MAPK10: variants seen among roughly 807,000 people sequenced by gnomAD.
MAPK10 encodes JNK3 alpha protein kinase.
In MAPK10, 25 loss-of-function variants were observed where a neutral mutation model predicts 59.3. That is an observed-to-expected ratio of 0.42 (90% CI 0.31 to 0.59). MAPK10 has a LOEUF of 0.59. Among genes scored for constraint, MAPK10 ranks in the 20% least tolerant of loss-of-function variants. MAPK10 has a pLI of 0.15. For missense variants in MAPK10, 351 were observed against 568.9 expected (o/e 0.62, Z 3.90); for synonymous variants, 190 against 200.5 (o/e 0.95, Z 0.44).
chr4:86,070,617 C>T (rs949949764), intron 9 of MAPK10, among the ~76,000 whole-genome samples: 5 of 147,992 alleles, frequency 3.4e-5, no homozygotes, highest in African/African-American at 1.3e-4. Flanking sequence ...GTTCAATTCC[C>T]ACCTATGAGT....
chr4:86,390,874 A>G (rs979496779), intron 1 of MAPK10, among the ~76,000 whole-genome samples: 1 of 152,168 alleles, frequency 6.6e-6, no homozygotes, highest in Admixed American at 6.5e-5. Context: ...GAAGCTATCA[A>G]TCTTCTGTCC....
chr4:86,137,866 C>A (rs1390014884), intron 4 of MAPK10, among the ~76,000 whole-genome samples: 1 of 149,930 alleles, frequency 6.7e-6, no homozygotes, highest in Admixed American at 6.6e-5. Flanking sequence ...ACCACCGATC[C>A]CACAGAAATA....
intron 9 of MAPK10, among the ~76,000 whole-genome samples, chr4:86,076,520 G>T (rs555770487): frequency 6.6e-6 from 1 of 152,080 alleles, no homozygotes; most frequent in Admixed American, 6.5e-5. Context: ...ATTCCAGTAA[G>T]AAAAAGTAAA....
chr4:86,206,454 AT>A (rs547272965), intron 2 of MAPK10, among the ~76,000 whole-genome samples: 395 of 152,074 alleles, frequency 2.6e-3, no homozygotes, highest in Non-Finnish European at 4.2e-3. Context: ...ATTGTTGGAC[AT>A]TTGGGTTGGT....
chr4:86,070,757 T>C (rs1307190741), intron 9 of MAPK10, among the ~76,000 whole-genome samples: 5 of 150,982 alleles, frequency 3.3e-5, no homozygotes, highest in South Asian at 2.1e-4. Context: ...TTCCATGGTG[T>C]ATATGTGCCA....
chr4:86,512,051 T>G (rs141892412), intron 1 of MAPK10, among the ~76,000 whole-genome samples: 1 of 152,170 alleles, frequency 6.6e-6, no homozygotes, highest in Non-Finnish European at 1.5e-5. Context: ...TACATGACAT[T>G]AAGTAACTGC....
chr4:86,136,007 C>G (rs2061991535), intron 4 of MAPK10, among the ~76,000 whole-genome samples: 1 of 152,232 alleles, frequency 6.6e-6, no homozygotes, highest in South Asian at 2.1e-4. Context: ...AAGAAATGAA[C>G]AAAGCTTCCA....
chr4:86,032,972 C>T (rs1281566341), intron 11 of MAPK10, among the ~76,000 whole-genome samples: 2 of 152,046 alleles, frequency 1.3e-5, no homozygotes, highest in African/African-American at 4.8e-5. Flanking sequence ...GACAACTAAG[C>T]AAAATGAGAC....
intron 1 of MAPK10, among the ~76,000 whole-genome samples, chr4:86,533,935 T>A (rs1357500920): frequency 6.6e-6 from 1 of 152,226 alleles, no homozygotes; most frequent in African/African-American, 2.4e-5. Context: ...CCCATTTTCC[T>A]GTTTATCTCA....
chr4:86,202,970 C>T, intron 2 of MAPK10, among the ~76,000 whole-genome samples: 1 of 151,916 alleles, frequency 6.6e-6, no homozygotes, highest in East Asian at 1.9e-4. Context: ...AATTGTTTTT[C>T]CTGGTAGCAT....
chr4:86,570,709 A>G (rs746109724), intron 1 of MAPK10, among the ~76,000 whole-genome samples: 2 of 152,176 alleles, frequency 1.3e-5, no homozygotes, highest in South Asian at 4.1e-4. Flanking sequence ...GAAAATAATA[A>G]CTTGAAGTAA....
At chr4:86,055,473 A>G (rs2044375557) in intron 11 of MAPK10, among the ~76,000 whole-genome samples, 1 of 149,898 alleles carries the variant, frequency 6.7e-6, no homozygotes, top group Admixed American at 6.6e-5. Flanking sequence ...GTATAATAGT[A>G]TGTTTCATTT....
At chr4:86,019,935 C>T (rs7686599) in intron 13 of MAPK10, among the ~76,000 whole-genome samples, 10,461 of 152,162 alleles carry the variant, frequency 0.069, 465 homozygotes, top group African/African-American at 0.12. Context: ...TTTGTAACAG[C>T]TTTATTAAGA....
intron 11 of MAPK10, among the ~76,000 whole-genome samples, chr4:86,033,725 C>A (rs757264432): frequency 6.6e-6 from 1 of 152,144 alleles, no homozygotes; most frequent in Non-Finnish European, 1.5e-5. Context: ...AGTATTTGTT[C>A]GACGGCCTCT....
intron 13 of MAPK10, chr4:86,020,349 T>C (rs1745796896): frequency 6.6e-6 from 1 of 152,282 alleles, no homozygotes; most frequent in Non-Finnish European, 1.5e-5. Flanking sequence ...GATGGATATT[T>C]AGGTTGTTTC....
intron 3 of MAPK10, among the ~76,000 whole-genome samples, chr4:86,180,296 C>T (rs933781974): frequency 5.3e-5 from 8 of 151,766 alleles, no homozygotes; most frequent in South Asian, 4.2e-4. Context: ...TATTCTACCC[C>T]GGTTAGAATG....
intron 1 of MAPK10, among the ~76,000 whole-genome samples, chr4:86,411,790 C>A (rs776084229): frequency 6.6e-6 from 1 of 152,140 alleles, no homozygotes; most frequent in Non-Finnish European, 1.5e-5. Context: ...AGTCTATGTG[C>A]GTCTTCGCCT....
chr4:86,089,377 CTT>C (rs1368466424), intron 9 of MAPK10: 3 of 768,254 alleles, frequency 3.9e-6, no homozygotes, highest in Non-Finnish European at 6.6e-6. Context: ...AATAGTCTGA[CTT>C]TTCACTGACT....
intron 1 of MAPK10, among the ~76,000 whole-genome samples, chr4:86,480,249 C>T (rs1166754283): frequency 6.6e-6 from 1 of 152,138 alleles, no homozygotes; most frequent in Admixed American, 6.5e-5. Context: ...TAACTGATGA[C>T]ATTACCTTGT....
Sources: gnomAD v4.1 joint callset for allele counts (sites outside exome capture counted in the v4.1 genomes callset) on GRCh38, gnomAD v4.1.1 for gene constraint, MANE v1.5 for transcripts, NCBI Gene and HGNC (gene_info 2026-07-23, HGNC 2026-07-21) for gene names.